Variants in TSPAN18 observed in about 807,000 individuals in gnomAD.
TSPAN18 encodes tetraspanin-18.
Under a neutral mutation model 27.3 loss-of-function variants are expected in TSPAN18, and 14 were observed. The ratio of observed to expected loss-of-function variants is 0.51; its 90% CI spans 0.34 to 0.80. TSPAN18 has a LOEUF of 0.80. Ranked by LOEUF, TSPAN18 falls within the 30% of genes least tolerant of loss-of-function variation. TSPAN18 has a pLI of 0.01. For synonymous variants in TSPAN18, 143 were observed against 136.5 expected (o/e 1.05, Z -0.33); for missense variants, 268 against 323.9 (o/e 0.83, Z 1.32).
intron 2 of TSPAN18, among the ~76,000 whole-genome samples, chr11:44,796,957 G>A (rs974241092): frequency 6.6e-6 from 1 of 152,156 alleles, no homozygotes; most frequent in African/African-American, 2.4e-5. Context: ...TATTGGCTTT[G>A]AGGGTTCTGA....
intron 3 of TSPAN18, among the ~76,000 whole-genome samples, chr11:44,902,087 G>A (rs142498944): frequency 9.4e-4 from 143 of 152,294 alleles, no homozygotes; most frequent in Non-Finnish European, 1.7e-3. Context: ...AGAAAGCTCC[G>A]GGGTGCAAGG....
rs142148870 is a variant in TSPAN18 at position 44,864,123 on chromosome 11, C to T, written c.-11+3654C>T. Among the ~76,000 whole-genome samples, 210 of 151,920 alleles carry T rather than the reference C, an allele frequency of 1.4e-3. 5 individuals are homozygous for T. The East Asian group carries it at 0.031, about 22-fold the overall frequency. On this transcript the variant is annotated intron_variant, in intron 3 of 9. Coordinates refer to ENST00000520358, the MANE Select transcript of TSPAN18 (RefSeq NM_130783.5). ...CCAACATAGTGAAACCCCGTCTCTA[C>T]TAAAAATACAAAAATTAGCCGGGTG...
At chr11:44,784,440 A>G (rs6485575) in intron 2 of TSPAN18, among the ~76,000 whole-genome samples, 149,899 of 152,304 alleles carry the variant, frequency 0.98, 73,812 homozygotes, top group East Asian at 1. Context: ...ACCTCTCCAC[A>G]AAGGCCATAG....
intron 3 of TSPAN18, among the ~76,000 whole-genome samples, chr11:44,882,698 AG>A (rs1205668046): frequency 1.3e-5 from 2 of 151,976 alleles, no homozygotes; most frequent in African/African-American, 4.8e-5. Flanking sequence ...CAGAGAGACA[AG>A]ACTCTGAGAT....
At chr11:44,772,138 G>A (rs1855702881) in intron 2 of TSPAN18, among the ~76,000 whole-genome samples, 1 of 152,134 alleles carries the variant, frequency 6.6e-6, no homozygotes, top group Non-Finnish European at 1.5e-5. Context: ...GCTACATTGG[G>A]GAGGGCCATT....
Position 44,897,886 on chromosome 11 carries a change from A to G in TSPAN18, c.-10-8521A>G. 3.1e-6 allele frequency: 4 copies of G among 1,285,700 alleles called. No homozygotes were observed. The African/African-American group carries it at 6.1e-5, about 20-fold the overall frequency. The allele number at this position is 1,285,700 out of a possible 1,614,324, so 79.6% of individuals were successfully genotyped here. A position where few individuals can be genotyped will look rare whatever the true frequency, so the allele number is the denominator to read the frequency against. On this transcript the variant is annotated intron_variant, in intron 3 of 9. Transcript: ENST00000520358. The stretch of plus-strand genomic sequence containing the variant: ...GTGTACCTCTGCCCCATCACCTGAC[A>G]CGGTCCCATCTCCACTCTGATCCTT...
At chr11:44,905,063 C>T (rs1859405348) in intron 3 of TSPAN18, among the ~76,000 whole-genome samples, 1 of 152,176 alleles carries the variant, frequency 6.6e-6, no homozygotes, top group African/African-American at 2.4e-5. Flanking sequence ...GTTTTCCTGA[C>T]TTCATTTTAA....
intron 1 of TSPAN18, among the ~76,000 whole-genome samples, chr11:44,749,953 A>C (rs1855173475): frequency 6.6e-6 from 1 of 152,154 alleles, no homozygotes; most frequent in Non-Finnish European, 1.5e-5. Context: ...GAACTTTCAA[A>C]TGTGAAATTG....
chr11:44,835,133 C>T (rs1156930513), intron 2 of TSPAN18, among the ~76,000 whole-genome samples: 1 of 152,196 alleles, frequency 6.6e-6, no homozygotes, highest in Non-Finnish European at 1.5e-5. Flanking sequence ...GTCATCCTCC[C>T]ATGAGAATGG....
intron 5 of TSPAN18, among the ~76,000 whole-genome samples, chr11:44,913,073 C>A (rs1259179274): frequency 2.0e-5 from 3 of 152,208 alleles, no homozygotes; most frequent in African/African-American, 7.2e-5. Context: ...GTGGTGGTTC[C>A]AACCGAAGAG....
At chr11:44,748,530 G>C (rs1219393500) in intron 1 of TSPAN18, among the ~76,000 whole-genome samples, 1 of 152,148 alleles carries the variant, frequency 6.6e-6, no homozygotes, top group East Asian at 1.9e-4. Context: ...GGCAGACCGT[G>C]TGCCAACCTG....
intron 8 of TSPAN18, among the ~76,000 whole-genome samples, chr11:44,924,631 GC>G (rs1168294929): frequency 2.0e-5 from 3 of 152,130 alleles, no homozygotes; most frequent in African/African-American, 7.2e-5. Flanking sequence ...GGCATCCCCT[GC>G]CAGGGCTGAT....
chr11:44,756,985 T>C (rs999554488), intron 1 of TSPAN18, among the ~76,000 whole-genome samples: 1 of 152,250 alleles, frequency 6.6e-6, no homozygotes, highest in African/African-American at 2.4e-5. Flanking sequence ...GTTTGCTGTT[T>C]GCTGTGGGTT....
chr11:44,862,018 C>T (rs1857905861), intron 3 of TSPAN18, among the ~76,000 whole-genome samples: 1 of 152,132 alleles, frequency 6.6e-6, no homozygotes, highest in Admixed American at 6.5e-5. Context: ...CTTTTTCCCC[C>T]CACCTCCACT....
intron 2 of TSPAN18, among the ~76,000 whole-genome samples, chr11:44,819,380 C>T (rs181564152): frequency 3.8e-4 from 58 of 152,220 alleles, no homozygotes; most frequent in Admixed American, 3.9e-4. Context: ...TCAGGCTAAT[C>T]GCAGGGGCCC....
intron 2 of TSPAN18, among the ~76,000 whole-genome samples, chr11:44,807,185 T>G (rs1290900170): frequency 8.9e-6 from 1 of 112,772 alleles, no homozygotes; most frequent in Non-Finnish European, 1.6e-5. Context: ...AGCAAGACCC[T>G]GTCTCTTAAA....
intron 2 of TSPAN18, among the ~76,000 whole-genome samples, chr11:44,810,380 A>G (rs1314712475): frequency 1.3e-5 from 2 of 152,052 alleles, no homozygotes; most frequent in Non-Finnish European, 2.9e-5. Flanking sequence ...ATGGAGTCAT[A>G]CACTATGTGG....
chr11:44,791,665 A>T (rs529695708), intron 2 of TSPAN18, among the ~76,000 whole-genome samples: 5 of 152,036 alleles, frequency 3.3e-5, no homozygotes, highest in Non-Finnish European at 7.4e-5. Flanking sequence ...ACCAGTCTCT[A>T]AGGTCTGGGC....
At chr11:44,815,483 G>A (rs992819699) in intron 2 of TSPAN18, among the ~76,000 whole-genome samples, 7 of 152,164 alleles carry the variant, frequency 4.6e-5, no homozygotes, top group East Asian at 1.9e-4. Flanking sequence ...CTGCCCAGCC[G>A]AGGTGTGTTC....
Sources: gnomAD v4.1 joint callset for allele counts (sites outside exome capture counted in the v4.1 genomes callset) on GRCh38, gnomAD v4.1.1 for gene constraint, MANE v1.5 for transcripts, NCBI Gene and HGNC (gene_info 2026-07-23, HGNC 2026-07-21) for gene names.